SLC4A4: variants seen among roughly 807,000 people sequenced by gnomAD.
SLC4A4 encodes solute carrier family 4 member 4, also known as electrogenic sodium bicarbonate cotransporter 1.
A neutral mutation model predicts 111.5 loss-of-function variants in SLC4A4; 27 were observed. The ratio of observed to expected loss-of-function variants is 0.24; its 90% CI spans 0.18 to 0.33. SLC4A4 has a LOEUF of 0.33. Ranked by LOEUF, SLC4A4 falls within the 10% of genes least tolerant of loss-of-function variation. The pLI is 1.00. For missense variants in SLC4A4, 909 were observed against 1,315.5 expected (o/e 0.69, Z 4.78); for synonymous variants, 443 against 463.4 (o/e 0.96, Z 0.57).
intron 2 of SLC4A4, among the ~76,000 whole-genome samples, chr4:71,153,005 A>G (rs538631967): frequency 2.1e-5 from 3 of 142,766 alleles, no homozygotes; most frequent in African/African-American, 8.0e-5. Flanking sequence ...ATAAATATAT[A>G]TGTGTATATA....
chr4:71,282,082 A>G (rs1456574819), intron 3 of SLC4A4, among the ~76,000 whole-genome samples: 4 of 152,162 alleles, frequency 2.6e-5, no homozygotes, highest in Admixed American at 6.5e-5. Flanking sequence ...CCCTGTTAAA[A>G]AAAACCTTGA....
At chr4:71,383,994 T>C (rs907290279) in intron 6 of SLC4A4, among the ~76,000 whole-genome samples, 2 of 152,282 alleles carry the variant, frequency 1.3e-5, no homozygotes, top group East Asian at 3.9e-4. Context: ...CAATGAGACT[T>C]CTTAGAACTA....
intron 7 of SLC4A4, among the ~76,000 whole-genome samples, chr4:71,432,014 T>C (rs942608536): frequency 1.3e-5 from 2 of 152,116 alleles, no homozygotes; most frequent in Non-Finnish European, 2.9e-5. Flanking sequence ...TCTTACCTTG[T>C]GAAACTTGGG....
rs76742657 is a variant in SLC4A4 at position 71,142,319 on chromosome 4, A to G, written c.-2+49527A>G. 4.4e-3 allele frequency among the ~76,000 whole-genome samples: 673 copies of G among 152,312 alleles called. 4 individuals are homozygous for G. The highest frequency in any genetic ancestry group is 0.016 in the African/African-American group (647 of 41,560). On this transcript the variant is annotated intron_variant, in intron 2 of 26. Coordinates refer to the SLC4A4 transcript ENST00000649996. ...AAACTAAAACTAAACACTGCATATA[A>G]AAAGAGTGGGAAGCAATGCAGCTTC...
intron 6 of SLC4A4, among the ~76,000 whole-genome samples, chr4:71,374,403 A>G (rs1247795837): frequency 6.6e-6 from 1 of 152,212 alleles, no homozygotes; most frequent in African/African-American, 2.4e-5. Flanking sequence ...TAAGAAATAA[A>G]ATCTTTCAGC....
intron 18 of SLC4A4, among the ~76,000 whole-genome samples, chr4:71,545,726 T>C (rs1399226654): frequency 6.6e-6 from 1 of 152,022 alleles, no homozygotes; most frequent in Non-Finnish European, 1.5e-5. Context: ...CTTTCACATA[T>C]TATGAAAGCT....
chr4:71,380,016 G>T (rs949141251), intron 6 of SLC4A4, among the ~76,000 whole-genome samples: 1 of 152,018 alleles, frequency 6.6e-6, no homozygotes, highest in Non-Finnish European at 1.5e-5. Context: ...ACCTGAAAGG[G>T]AGAGAAAAGA....
intron 2 of SLC4A4, among the ~76,000 whole-genome samples, chr4:71,139,399 CTG>C (rs1457824477): frequency 6.6e-6 from 1 of 152,164 alleles, no homozygotes; most frequent in Non-Finnish European, 1.5e-5. Context: ...CTTCTGGAGA[CTG>C]TGAGGTTGTT....
chr4:71,464,913 A>G (rs771956406), intron 12 of SLC4A4, among the ~76,000 whole-genome samples: 9 of 152,156 alleles, frequency 5.9e-5, no homozygotes, highest in Admixed American at 5.9e-4. Flanking sequence ...AGTTGATTTA[A>G]AAAACAATTT....
At chr4:71,465,470 A>G (rs72853215) in intron 12 of SLC4A4, among the ~76,000 whole-genome samples, 19,879 of 149,856 alleles carry the variant, frequency 0.13, 1,573 homozygotes, top group African/African-American at 0.22. Flanking sequence ...GTGCTTGTCT[A>G]TAGGTTGGTG....
intron 16 of SLC4A4, among the ~76,000 whole-genome samples, chr4:71,521,931 C>T (rs1732970179): frequency 6.6e-6 from 1 of 152,180 alleles, no homozygotes; most frequent in Non-Finnish European, 1.5e-5. Context: ...GCTCCCATTA[C>T]CTTTGCTGAG....
chr4:71,265,440 A>C (rs190173587), intron 3 of SLC4A4, among the ~76,000 whole-genome samples: 1 of 152,134 alleles, frequency 6.6e-6, no homozygotes, highest in Non-Finnish European at 1.5e-5. Flanking sequence ...ATAGAGGGGG[A>C]AGTGCAGGGA....
chr4:71,237,714 G>T (rs1719907213), intron 2 of SLC4A4, among the ~76,000 whole-genome samples: 2 of 152,114 alleles, frequency 1.3e-5, no homozygotes, highest in Non-Finnish European at 2.9e-5. Context: ...GAATAGTGTG[G>T]CTATCATGTT....
At chr4:71,415,128 A>G (rs34772049) in intron 7 of SLC4A4, among the ~76,000 whole-genome samples, 30,047 of 152,224 alleles carry the variant, frequency 0.2, 3,317 homozygotes, top group South Asian at 0.42. Context: ...CTCAAGCTAA[A>G]ATGCATGCAA....
chr4:71,555,075 A>C, intron 20 of SLC4A4, 65 bp from the exon 21 acceptor site: 114 of 920,624 alleles, frequency 1.2e-4, no homozygotes, highest in Non-Finnish European at 1.9e-4. Flanking sequence ...TATTTAAATG[A>C]TTCCTCTTCA....
At chr4:71,312,617 C>T (rs1726294350) in intron 3 of SLC4A4, among the ~76,000 whole-genome samples, 1 of 152,170 alleles carries the variant, frequency 6.6e-6, no homozygotes, top group South Asian at 2.1e-4. Context: ...GCTGGTTCAA[C>T]ATATGCAAAT....
chr4:71,346,511 A>G (rs1311676459), intron 4 of SLC4A4, among the ~76,000 whole-genome samples: 1 of 151,724 alleles, frequency 6.6e-6, no homozygotes, highest in Non-Finnish European at 1.5e-5. Flanking sequence ...AGTATACTCT[A>G]CAGTAAAAAG....
chr4:71,351,447 AG>A (rs1729822293), intron 5 of SLC4A4, among the ~76,000 whole-genome samples: 1 of 152,250 alleles, frequency 6.6e-6, no homozygotes, highest in South Asian at 2.1e-4. Flanking sequence ...CTGGACTTCC[AG>A]TCCAATATAA....
intron 2 of SLC4A4, among the ~76,000 whole-genome samples, chr4:71,177,188 T>TG (rs1295202742): frequency 1.3e-5 from 2 of 151,984 alleles, no homozygotes; most frequent in African/African-American, 2.4e-5. Context: ...GCACTAAACA[T>TG]GGAAAGGAAT....
Sources: allele counts gnomAD v4.1 joint callset (sites outside exome capture counted in the v4.1 genomes callset), GRCh38; gene constraint gnomAD v4.1.1; transcripts MANE v1.5; gene names NCBI Gene and HGNC (gene_info 2026-07-23, HGNC 2026-07-21).